The following ACOT7 variants were observed in gnomAD, a reference collection of about 807,000 sequenced individuals.
ACOT7 encodes cytosolic acyl coenzyme A thioester hydrolase.
In ACOT7, 12 loss-of-function variants were observed where a neutral mutation model predicts 40.2. The observed-to-expected ratio is 0.30, with a 90% CI of 0.19 to 0.48. The LOEUF is 0.48. Ranked by LOEUF, ACOT7 falls within the 20% of genes least tolerant of loss-of-function variation. ACOT7 has a pLI of 0.99. For missense variants in ACOT7, 395 were observed against 530.8 expected (o/e 0.74, Z 2.51); for synonymous variants, 228 against 219.5 (o/e 1.04, Z -0.34).
Position 6,294,223 on chromosome 1 carries a change from C to T in ACOT7, c.829+641G>A, listed in dbSNP as rs923241550. ...GACAAAAATCACCACGTGTCAGGTG[C>T]ACTTCACTGTACTTCTGCAGAGAGC... On this transcript the variant is annotated intron_variant, in intron 7 of 8. Transcript: ENST00000361521. This position sits in a 1 kb window ranked among gnomAD's most constrained non-coding sequence, Gnocchi z 4.6. Among the ~76,000 whole-genome samples, 2 of 152,238 alleles carry T rather than the reference C, an allele frequency of 1.3e-5. No individual in the cohort carries two copies. Among genetic ancestry groups the T allele is most frequent in the Non-Finnish European group, 1.5e-5 (1 of 68,042 alleles).
intron 3 of ACOT7, among the ~76,000 whole-genome samples, chr1:6,337,995 C>G (rs1365218412): frequency 4.7e-5 from 5 of 107,416 alleles, no homozygotes; most frequent in Non-Finnish European, 6.9e-5. Flanking sequence ...AGTGAGACAC[C>G]ATCTCAAAAA....
In ACOT7 at chr1:6,306,059, C is replaced by T. The variant is rs531223134; in HGVS notation, c.713-11079G>A. 2.6e-5 allele frequency among the ~76,000 whole-genome samples: 4 copies of T among 152,130 alleles called. No individual in the cohort carries two copies. In the South Asian group the frequency reaches 6.2e-4, roughly 24 times the overall value. On this transcript the variant is annotated intron_variant, in intron 6 of 8. Coordinates refer to ENST00000361521, the MANE Select transcript of ACOT7 (RefSeq NM_007274.4). This position sits in a 1 kb window ranked among gnomAD's most constrained non-coding sequence, Gnocchi z 4.3. ...CGAAAACCAGTCAGGCGTGGCGGCG[C>T]GCGCCTGCAATCGCAGGCACTCGGC...
intron 6 of ACOT7, among the ~76,000 whole-genome samples, chr1:6,309,931 TTA>T (rs1640284204): frequency 6.6e-6 from 1 of 152,258 alleles, no homozygotes; most frequent in Non-Finnish European, 1.5e-5. Flanking sequence ...CTTCCCTGTG[TTA>T]TCTCGTCTGT....
intron 1 of ACOT7, among the ~76,000 whole-genome samples, chr1:6,364,595 A>G (rs1398170168): frequency 6.6e-6 from 1 of 151,704 alleles, no homozygotes; most frequent in Non-Finnish European, 1.5e-5. Flanking sequence ...CACGCCTGTA[A>G]TCCCAGCACT....
At chr1:6,347,176 C>T (rs1160344078) in intron 2 of ACOT7, among the ~76,000 whole-genome samples, 2 of 152,094 alleles carry the variant, frequency 1.3e-5, no homozygotes, top group Non-Finnish European at 2.9e-5. Flanking sequence ...TGGGACTGTT[C>T]TCACCCCCAC....
At chr1:6,375,794 C>T (rs1484517327) in intron 1 of ACOT7, among the ~76,000 whole-genome samples, 6 of 151,644 alleles carry the variant, frequency 4.0e-5, no homozygotes, top group Non-Finnish European at 7.4e-5. Context: ...AAAAATTAGC[C>T]GGGCGTGGTG....
intron 6 of ACOT7, among the ~76,000 whole-genome samples, chr1:6,304,317 C>CA (rs112875652): frequency 0.19 from 21,409 of 110,690 alleles, 2,066 homozygotes; most frequent in Non-Finnish European, 0.26. Flanking sequence ...AATGTGGCAC[C>CA]AAAAAAAAAA....
At chr1:6,361,937 T>G (rs1641902331) in intron 1 of ACOT7, among the ~76,000 whole-genome samples, 1 of 152,166 alleles carries the variant, frequency 6.6e-6, no homozygotes. Context: ...AGAAAGGCAC[T>G]CCCAAAATCT....
In ACOT7 at chr1:6,330,604, A is replaced by T. The variant is rs1252700672; in HGVS notation, c.510+2873T>A. ...CAAAGGAAATGAAAAAGCAACTGGG[A>T]GCTCCTCCAGGATGTGGGAGGGAGG... is the stretch of plus-strand genomic sequence containing the variant. On this transcript the variant is annotated intron_variant, in intron 4 of 8. Coordinates refer to ENST00000361521, the MANE Select transcript of ACOT7 (RefSeq NM_007274.4). This position sits in a 1 kb window ranked among gnomAD's most constrained non-coding sequence, Gnocchi z 4.6. 6.6e-6 allele frequency among the ~76,000 whole-genome samples: 1 copy of T among 152,162 alleles called. No individual in the cohort carries two copies. Among genetic ancestry groups the T allele is most frequent in the Non-Finnish European group, 1.5e-5 (1 of 68,040 alleles).
chr1:6,302,419 C>T (rs930826472), intron 6 of ACOT7, among the ~76,000 whole-genome samples: 3 of 152,126 alleles, frequency 2.0e-5, no homozygotes, highest in African/African-American at 4.8e-5. Context: ...CTTGCGACAG[C>T]GAAGGCTCCC....
chr1:6,295,352 T>G (rs1639783995), intron 6 of ACOT7: 1 of 174,822 alleles, frequency 5.7e-6, no homozygotes. Context: ...GGAACCCTCC[T>G]CCACTGCCAG....
At chr1:6,377,712 C>A (rs555073546) in intron 1 of ACOT7, among the ~76,000 whole-genome samples, 1 of 152,118 alleles carries the variant, frequency 6.6e-6, no homozygotes, top group Non-Finnish European at 1.5e-5. Context: ...TAAATACAAG[C>A]GACACCTGAG....
At chr1:6,333,422 G>A in intron 4 of ACOT7, 55 bp downstream of exon 4, 1 of 1,575,746 alleles carries the variant, frequency 6.3e-7, no homozygotes, top group Non-Finnish European at 8.7e-7. Flanking sequence ...CATCAGGTGA[G>A]GTGACCTGAT....
At position 6,381,885 on chromosome 1, in the gene ACOT7, A is replaced by G. The variant is rs1013456687; in HGVS notation, c.143+11372T>C. Among the ~76,000 whole-genome samples the G allele has an allele frequency of 1.3e-4, 20 of 151,868 alleles. 1 individual carries two copies. The highest frequency in any genetic ancestry group is 2.2e-4 in the Non-Finnish European group (15 of 67,912). On this transcript the variant is annotated intron_variant, in intron 1 of 8. Transcript: ENST00000361521. ...CGCGGTGGCTCACGCCTGTAATCCC[A>G]GCACTTTGGGAGGCCGAGGCAGGTG...
At position 6,278,086 on chromosome 1, in the gene ACOT7, G is replaced by C. The variant is rs938529416; in HGVS notation, c.1014+3016C>G. ...TCCACGCAGCGTCTGCAGTGGCGGG[G>C]GGTGGTTGGGAGGGGGTCTGGGGTG... On this transcript the variant is annotated intron_variant, in intron 8 of 8. Transcript: ENST00000361521. This position sits in a 1 kb window ranked among gnomAD's most constrained non-coding sequence, Gnocchi z 4.1. 5.9e-5 allele frequency among the ~76,000 whole-genome samples: 9 copies of C among 152,206 alleles called. No homozygotes were observed. Among genetic ancestry groups the C allele is most frequent in the African/African-American group, 9.6e-5 (4 of 41,508 alleles).
intron 7 of ACOT7, 39 bp from the exon 8 acceptor site, chr1:6,281,325 C>T (rs1383715024): frequency 2.5e-6 from 4 of 1,581,082 alleles, no homozygotes; most frequent in Middle Eastern, 1.8e-4. Context: ...GCGGCCTCCA[C>T]CCCACGGCTG....
chr1:6,331,993 G>A (rs941877570), intron 4 of ACOT7, among the ~76,000 whole-genome samples: 3 of 152,324 alleles, frequency 2.0e-5, no homozygotes, highest in Middle Eastern at 6.8e-3. Context: ...GGGGGGCCAC[G>A]GGAAGATGGA....
At chr1:6,339,659 C>G (rs1571322806) in intron 2 of ACOT7, 70 bp from the exon 3 acceptor site, 4 of 1,558,170 alleles carry the variant, frequency 2.6e-6, no homozygotes, top group African/African-American at 1.4e-5. Context: ...CCAGGACATG[C>G]CCCCTGGAAA....
At chr1:6,342,289 C>T (rs58058672) in intron 2 of ACOT7, among the ~76,000 whole-genome samples, 6,100 of 151,960 alleles carry the variant, frequency 0.04, 271 homozygotes, top group African/African-American at 0.11. Flanking sequence ...TTCATGAAGC[C>T]CCACCCCCAT....
Sources: gnomAD v4.1 joint callset for allele counts (sites outside exome capture counted in the v4.1 genomes callset) on GRCh38, gnomAD v4.1.1 for gene constraint, Gnocchi (gnomAD v3.1) non-coding constraint, MANE v1.5 for transcripts, NCBI Gene and HGNC (gene_info 2026-07-23, HGNC 2026-07-21) for gene names.